Variants in TSHZ2 observed in about 807,000 individuals in gnomAD.
TSHZ2 encodes the protein teashirt homolog 2.
Under a neutral mutation model 74.4 loss-of-function variants are expected in TSHZ2, and 21 were observed. That is an observed-to-expected ratio of 0.28 (90% CI 0.20 to 0.41). The LOEUF is 0.41. Among genes scored for constraint, TSHZ2 ranks in the 10% least tolerant of loss-of-function variants. TSHZ2 has a pLI of 1.00. For missense variants in TSHZ2, 1,244 were observed against 1,293.5 expected (o/e 0.96, Z 0.59); for synonymous variants, 540 against 515.3 (o/e 1.05, Z -0.65).
chr20:53,197,454 A>G (rs1988900393), intron 1 of TSHZ2, among the ~76,000 whole-genome samples: 1 of 152,162 alleles, frequency 6.6e-6, no homozygotes, highest in African/African-American at 2.4e-5. Flanking sequence ...TGACATTAAC[A>G]TCTTCTGTGT....
chr20:53,249,505 A>T (rs575959411), intron 1 of TSHZ2, among the ~76,000 whole-genome samples: 1 of 152,284 alleles, frequency 6.6e-6, no homozygotes, highest in South Asian at 2.1e-4. Flanking sequence ...CAGTAGGGTG[A>T]TGTGATGGAT....
At chr20:53,186,934 G>A (rs1218170120) in intron 1 of TSHZ2, among the ~76,000 whole-genome samples, 2 of 151,914 alleles carry the variant, frequency 1.3e-5, no homozygotes, top group Non-Finnish European at 2.9e-5. Flanking sequence ...GGGCCAGGTC[G>A]AAAGAAACCC....
intron 1 of TSHZ2, among the ~76,000 whole-genome samples, chr20:53,115,972 A>G (rs1986655419): frequency 6.6e-6 from 1 of 152,196 alleles, no homozygotes; most frequent in Non-Finnish European, 1.5e-5. Context: ...GGGGAAACCA[A>G]TGGGCTGCTG....
At chr20:53,146,379 A>C (rs989629798) in intron 1 of TSHZ2, among the ~76,000 whole-genome samples, 9 of 152,134 alleles carry the variant, frequency 5.9e-5, no homozygotes, top group African/African-American at 1.2e-4. Flanking sequence ...ACCTCACACT[A>C]ATCATGCCCA....
Position 53,459,081 on chromosome 20 carries a change from G to A in TSHZ2, c.*9-28063G>A, listed in dbSNP as rs566981954. ...AGTCCTGTAGATGTCTATTAGGTCC[G>A]CTTGGTACAGAGCTGAGTTCAATTC... On this transcript the variant is annotated intron_variant, in intron 2 of 2. Coordinates refer to ENST00000371497, the MANE Select transcript of TSHZ2 (RefSeq NM_173485.6). 6.6e-4 allele frequency among the ~76,000 whole-genome samples: 101 copies of A among 152,224 alleles called. 1 individual carries two copies. The highest frequency in any genetic ancestry group is 2.0e-3 in the African/African-American group (83 of 41,538).
chr20:53,310,538 C>A (rs1306756581), intron 2 of TSHZ2, among the ~76,000 whole-genome samples: 1 of 152,214 alleles, frequency 6.6e-6, no homozygotes, highest in African/African-American at 2.4e-5. Flanking sequence ...GCAATCCAGG[C>A]TTTGGCCAGG....
chr20:53,287,510 T>G (rs1050525455), intron 2 of TSHZ2, among the ~76,000 whole-genome samples: 1 of 152,230 alleles, frequency 6.6e-6, no homozygotes, highest in Non-Finnish European at 1.5e-5. Flanking sequence ...TGTCATGGGT[T>G]CAGAGGAATG....
chr20:53,048,462 G>C lies in TSHZ2; in HGVS notation c.40+75129G>C, dbSNP rs1052420113. Among the ~76,000 whole-genome samples, 6 of 152,192 alleles carry C rather than the reference G, an allele frequency of 3.9e-5. No individual in the cohort carries two copies. The East Asian group carries it at 5.8e-4, about 15-fold the overall frequency. On this transcript the variant is annotated intron_variant, in intron 1 of 2. Transcript: ENST00000371497. ...GCAATCCACTTTCCATCTCCCCTTC[G>C]CTTGTCTTTCTTTAGCATCCACGTT...
intron 1 of TSHZ2, among the ~76,000 whole-genome samples, chr20:53,141,959 G>T (rs1326827798): frequency 2.0e-5 from 3 of 152,230 alleles, no homozygotes; most frequent in Non-Finnish European, 2.9e-5. Flanking sequence ...CCATCTGTGG[G>T]CAGGAAGCAA....
In TSHZ2 at chr20:53,492,909, C is replaced by T. The variant is rs373319966; in HGVS notation, c.*5774C>T. 6.6e-6 allele frequency: 1 copy of T among 152,236 alleles called. No homozygotes were observed. Among genetic ancestry groups the T allele is most frequent in the African/African-American group, 2.4e-5 (1 of 41,550 alleles). The allele number at this position is 152,236 out of a possible 1,614,324, so 9.4% of individuals were successfully genotyped here. On this transcript the variant is annotated 3_prime_UTR_variant, in exon 3 of 3. Coordinates refer to ENST00000371497, the MANE Select transcript of TSHZ2 (RefSeq NM_173485.6). ...ACATTTTTATATTCAGAAAGCAGACCGGTCATTTTCAAAGAAAAATGACTG... is the reference window on the plus strand; with the variant it reads ...ACATTTTTATATTCAGAAAGCAGACTGGTCATTTTCAAAGAAAAATGACTG...
At chr20:53,109,977 C>T (rs2123319725) in intron 1 of TSHZ2, among the ~76,000 whole-genome samples, 1 of 152,336 alleles carries the variant, frequency 6.6e-6, no homozygotes, top group South Asian at 2.1e-4. Context: ...CAGAAATGTT[C>T]TGTTGGAGCT....
At chr20:53,003,255 GGTGTGT>G (rs11468763) in intron 1 of TSHZ2, among the ~76,000 whole-genome samples, 2,546 of 139,542 alleles carry the variant, frequency 0.018, 31 homozygotes, top group African/African-American at 0.027. Flanking sequence ...CTCCAGGGAT[GGTGTGT>G]GTGTGTGTGT....
chr20:53,144,473 C>T (rs930207152), intron 1 of TSHZ2, among the ~76,000 whole-genome samples: 4 of 152,184 alleles, frequency 2.6e-5, no homozygotes, highest in Admixed American at 2.6e-4. Flanking sequence ...TTCTCAGTTA[C>T]AATTTTTGCA....
chr20:53,153,153 T>C (rs1338371651), intron 1 of TSHZ2, among the ~76,000 whole-genome samples: 2 of 152,124 alleles, frequency 1.3e-5, no homozygotes, highest in Non-Finnish European at 2.9e-5. Context: ...GCTGACCTAT[T>C]AGGAAGTTGA....
chr20:53,183,215 T>C (rs1988522857), intron 1 of TSHZ2, among the ~76,000 whole-genome samples: 1 of 152,168 alleles, frequency 6.6e-6, no homozygotes, highest in Non-Finnish European at 1.5e-5. Flanking sequence ...GTTCAAAGGA[T>C]ATTACGGGCA....
intron 1 of TSHZ2, among the ~76,000 whole-genome samples, chr20:53,248,950 G>C (rs2123710465): frequency 6.6e-6 from 1 of 152,106 alleles, no homozygotes; most frequent in Non-Finnish European, 1.5e-5. Flanking sequence ...TGGTTCTCCT[G>C]CCTCAGCCTC....
chr20:53,205,545 A>G (rs1989147942), intron 1 of TSHZ2, among the ~76,000 whole-genome samples: 2 of 152,360 alleles, frequency 1.3e-5, no homozygotes, highest in South Asian at 2.1e-4. Flanking sequence ...AAAAAGATCT[A>G]CATCTTCCTT....
intron 2 of TSHZ2, among the ~76,000 whole-genome samples, chr20:53,404,814 A>T (rs1210390908): frequency 1.3e-5 from 2 of 151,216 alleles, no homozygotes; most frequent in Non-Finnish European, 2.9e-5. Context: ...TAGAGTCTGT[A>T]ATCACTACAC....
chr20:53,132,351 G>A (rs13038388), intron 1 of TSHZ2, among the ~76,000 whole-genome samples: 25,437 of 143,962 alleles, frequency 0.18, 2,823 homozygotes, highest in Middle Eastern at 0.27. Flanking sequence ...TCACTCTGTC[G>A]CCCAGGCTGG....
Sources: gnomAD v4.1 joint callset for allele counts (sites outside exome capture counted in the v4.1 genomes callset) on GRCh38, gnomAD v4.1.1 for gene constraint, MANE v1.5 for transcripts, NCBI Gene and HGNC (gene_info 2026-07-23, HGNC 2026-07-21) for gene names.